Variants in TRPM6 observed in about 807,000 individuals in gnomAD.
TRPM6 encodes channel kinase 2.
TRPM6 carries 111 observed loss-of-function variants against 247.6 expected under a neutral mutation model. The observed-to-expected ratio is 0.45, with a 90% CI of 0.38 to 0.52. The LOEUF is 0.52. TRPM6 is among the 20% of genes least tolerant of loss of function. TRPM6 has a pLI of 0.00. For missense variants in TRPM6, 2,126 were observed against 2,421.5 expected, an observed-to-expected ratio of 0.88 and a Z score of 2.56; for synonymous variants, 892 against 853.8, an observed-to-expected ratio of 1.04 and a Z score of -0.78.
chr9:74,751,283 A>G (rs11787707), intron 29 of TRPM6, among the ~76,000 whole-genome samples: 10,945 of 152,138 alleles, frequency 0.072, 429 homozygotes, highest in East Asian at 0.14. Context: ...CATAGTTGTT[A>G]TTTTTGCTGT....
intron 19 of TRPM6, 135 bp downstream of exon 19, chr9:74,792,489 T>G (rs1827939735): frequency 5.3e-6 from 5 of 944,294 alleles, no homozygotes; most frequent in Non-Finnish European, 8.4e-6. Flanking sequence ...TGCTACCTAC[T>G]TTGTCATGCC....
chr9:74,785,137 C>T (rs773142095), intron 21 of TRPM6, among the ~76,000 whole-genome samples: 33 of 151,874 alleles, frequency 2.2e-4, no homozygotes, highest in Non-Finnish European at 7.4e-5. Flanking sequence ...ATAATAATTT[C>T]GAAAGTTAAA....
chr9:74,743,453 T>C (rs889565315), intron 32 of TRPM6, among the ~76,000 whole-genome samples: 6 of 152,236 alleles, frequency 3.9e-5, no homozygotes, highest in Non-Finnish European at 8.8e-5. Context: ...AACCATCCAA[T>C]GGCACAAGTC....
intron 27 of TRPM6, among the ~76,000 whole-genome samples, chr9:74,761,406 C>T (rs1161118814): frequency 6.6e-6 from 1 of 152,168 alleles, no homozygotes; most frequent in African/African-American, 2.4e-5. Flanking sequence ...AGTATATCCA[C>T]TCTAATGACT....
chr9:74,764,028 T>G (rs1355946298), intron 25 of TRPM6, among the ~76,000 whole-genome samples: 1 of 150,242 alleles, frequency 6.7e-6, no homozygotes, highest in Non-Finnish European at 1.5e-5. Context: ...CAGGCACCTG[T>G]AATCCCTGCT....
At chr9:74,825,276 A>C (rs1829292517) in intron 7 of TRPM6, among the ~76,000 whole-genome samples, 1 of 152,162 alleles carries the variant, frequency 6.6e-6, no homozygotes, top group South Asian at 2.1e-4. Context: ...AAAAACAAAA[A>C]AGTCAAATAA....
chr9:74,793,857 A>G lies in TRPM6; in HGVS notation c.2392-1087T>C, dbSNP rs539965929. ...AGAATCAGATTTTTCATCAACTACC[A>G]AAAAGGTATGTGTCAGTCCAAGGGA... On this transcript the variant is annotated intron_variant, in intron 18 of 38. Transcript: ENST00000360774. Among the ~76,000 whole-genome samples the G allele has an allele frequency of 2.6e-5, 4 of 152,334 alleles. No individual in the cohort carries two copies. The South Asian group carries it at 6.2e-4, about 24-fold the overall frequency.
chr9:74,850,612 C>T (rs185733686), intron 3 of TRPM6, among the ~76,000 whole-genome samples: 22 of 151,716 alleles, frequency 1.5e-4, no homozygotes, highest in African/African-American at 5.3e-4. Flanking sequence ...CCCAGCTTCT[C>T]GGGAGGCTGA....
In TRPM6 at chr9:74,825,314, C is replaced by T. The variant is rs550068964; in HGVS notation, c.841+2464G>A. 2.8e-4 allele frequency among the ~76,000 whole-genome samples: 42 copies of T among 152,168 alleles called. No homozygotes were observed. The South Asian group carries it at 8.5e-3, about 31-fold the overall frequency. On this transcript the variant is annotated intron_variant, in intron 7 of 38. Transcript: ENST00000360774. ...CAACCACTAGTTAAGTATTTTCATG[C>T]CATCAAAAATAAATCCCTTTTTGAT...
intron 1 of TRPM6, among the ~76,000 whole-genome samples, chr9:74,866,923 T>A (rs1830862800): frequency 6.6e-6 from 1 of 152,216 alleles, no homozygotes; most frequent in Non-Finnish European, 1.5e-5. Context: ...ACATATGAAA[T>A]TAAAACTGAG....
At chr9:74,797,155 A>G (rs1001481966) in intron 17 of TRPM6, among the ~76,000 whole-genome samples, 1 of 152,220 alleles carries the variant, frequency 6.6e-6, no homozygotes, top group Admixed American at 6.5e-5. Flanking sequence ...TGTCAACCTA[A>G]ATGTCTATCT....
At chr9:74,740,675 T>TC (rs1326096493) in intron 33 of TRPM6, among the ~76,000 whole-genome samples, 1 of 152,214 alleles carries the variant, frequency 6.6e-6, no homozygotes, top group Admixed American at 6.5e-5. Context: ...CTCTGACCTG[T>TC]CACATGAGGT....
Position 74,762,893 on chromosome 9 carries a change from C to T in TRPM6, c.3778G>A (p.Glu1260Lys). The change falls in exon 26 of 39, where the codon GAG becomes AAG. Residue 1260 changes from glutamate (E) to lysine (K), a missense_variant. Coordinates refer to ENST00000360774, the MANE Select transcript of TRPM6 (RefSeq NM_017662.5). ...GCGATCTCCATGCTGCCTAGAACCT[C>T]TGCACAGATGACATTGCTCCAGCTG... ...PHSWSNVICA[E>K]VLGSMEIAGE... is the part of the protein sequence containing the mutation. The T allele has an allele frequency of 6.2e-7, 1 of 1,611,558 alleles. No homozygotes were observed. The highest frequency in any genetic ancestry group is 8.5e-7 in the Non-Finnish European group (1 of 1,178,384).
At chr9:74,872,273 A>C (rs1458286102) in intron 1 of TRPM6, among the ~76,000 whole-genome samples, 1 of 151,936 alleles carries the variant, frequency 6.6e-6, no homozygotes, top group Non-Finnish European at 1.5e-5. Context: ...GGCATGAGCC[A>C]CCACACTCAG....
chr9:74,862,373 G>T (rs11144120), intron 1 of TRPM6, among the ~76,000 whole-genome samples: 47,496 of 151,966 alleles, frequency 0.31, 8,532 homozygotes, highest in East Asian at 0.5. Context: ...CATTTCTGCA[G>T]CTATCATGGC....
chr9:74,756,110 T>C (rs1826421653), intron 27 of TRPM6, among the ~76,000 whole-genome samples: 1 of 152,228 alleles, frequency 6.6e-6, no homozygotes, highest in Non-Finnish European at 1.5e-5. Context: ...TTGAACTCAG[T>C]TGCAATTTCT....
chr9:74,752,833 C>T (rs1826297527), intron 28 of TRPM6, among the ~76,000 whole-genome samples: 2 of 152,104 alleles, frequency 1.3e-5, no homozygotes, highest in African/African-American at 4.8e-5. Context: ...ATAATAGAGG[C>T]CAGGCGCCGT....
At chr9:74,768,428 G>A (rs1826903083) in intron 25 of TRPM6, among the ~76,000 whole-genome samples, 1 of 152,110 alleles carries the variant, frequency 6.6e-6, no homozygotes, top group Non-Finnish European at 1.5e-5. Context: ...ATGCTCCCCG[G>A]GGGCTTCAGA....
At chr9:74,742,711 T>C (rs927269974) in intron 32 of TRPM6, 85 bp from the exon 33 acceptor site, 6 of 1,107,906 alleles carry the variant, frequency 5.4e-6, no homozygotes, top group Non-Finnish European at 8.1e-6. Context: ...TATATTCATA[T>C]AATGCTATTT....
Sources: gnomAD v4.1 joint callset for allele counts (sites outside exome capture counted in the v4.1 genomes callset) on GRCh38, gnomAD v4.1.1 for gene constraint, MANE v1.5 for transcripts, NCBI Gene and HGNC (gene_info 2026-07-23, HGNC 2026-07-21) for gene names.